The following TUT1 variants were observed in gnomAD, a reference collection of about 807,000 sequenced individuals.
TUT1 encodes the protein speckle targeted PIP5K1A-regulated poly(A) polymerase.
TUT1 carries 26 observed loss-of-function variants against 48.8 expected under a neutral mutation model. That is an observed-to-expected ratio of 0.53 (90% CI 0.39 to 0.74). TUT1 has a LOEUF of 0.74. Among genes scored for constraint, TUT1 ranks in the 30% least tolerant of loss-of-function variants. TUT1 has a pLI of 0.00. For missense variants in TUT1, 1,065 were observed against 1,114.8 expected (o/e 0.96, Z 0.64); for synonymous variants, 470 against 460.8 (o/e 1.02, Z -0.26).
chr11:62,580,564 T>C (rs947687294), intron 4 of TUT1, among the ~76,000 whole-genome samples: 1 of 151,816 alleles, frequency 6.6e-6, no homozygotes, highest in Non-Finnish European at 1.5e-5. Context: ...TTTTGAAATT[T>C]TTTTTTTGTT....
At chr11:62,589,308 C>A in intron 1 of TUT1, 87 bp from the exon 2 acceptor site, 1 of 1,277,780 alleles carries the variant, frequency 7.8e-7, no homozygotes, top group Non-Finnish European at 1.1e-6. Flanking sequence ...TCTTACTGAT[C>A]CTTCCAAGCC....
Position 62,575,907 on chromosome 11 carries a change from G to A in TUT1, c.1812C>T (p.Leu604=), listed in dbSNP as rs1399809327. The change falls in exon 9 of 9, where the codon CTC becomes CTT. Residue 604 remains leucine (L), a synonymous_variant. Transcript: ENST00000476907. ...LLQPSSPSSL[L]SATPIPLPLA... is the part of the protein sequence containing the mutation. ...GGGGTAAAGGGATCGGCGTAGCAGA[G>A]AGCAGGGAGCTGGGGGAGCTGGGCT... The A allele has an allele frequency of 1.2e-6, 2 of 1,614,168 alleles. No individual in the cohort carries two copies. Among genetic ancestry groups the A allele is most frequent in the Non-Finnish European group, 1.7e-6 (2 of 1,179,992 alleles).
At chr11:62,587,092 C>CAAA (rs202002182) in intron 2 of TUT1, among the ~76,000 whole-genome samples, 32 of 108,252 alleles carry the variant, frequency 3.0e-4, no homozygotes, top group South Asian at 1.0e-3. Context: ...AACTCCCTCT[C>CAAA]AAAAAAAAAA....
intron 8 of TUT1, 35 bp from the exon 9 acceptor site, chr11:62,576,279 A>C: frequency 6.6e-7 from 1 of 1,504,006 alleles, no homozygotes; most frequent in East Asian, 2.3e-5. Flanking sequence ...AAGGGGGGTC[A>C]CTTAGAGGCC....
intron 1 of TUT1, among the ~76,000 whole-genome samples, chr11:62,590,522 G>A (rs910576911): frequency 3.9e-5 from 6 of 151,974 alleles, no homozygotes; most frequent in Admixed American, 6.6e-5. Flanking sequence ...CTGTAGTCCC[G>A]GCTACACGGG....
intron 3 of TUT1, 39 bp downstream of exon 3, chr11:62,581,347 G>C (rs750794625): frequency 1.3e-6 from 2 of 1,572,686 alleles, no homozygotes; most frequent in South Asian, 2.4e-5. Flanking sequence ...GAGAGCAAAG[G>C]CCAGGGAGGG....
At chr11:62,583,035 G>T (rs1256335707) in intron 2 of TUT1, among the ~76,000 whole-genome samples, 1 of 151,500 alleles carries the variant, frequency 6.6e-6, no homozygotes, top group Non-Finnish European at 1.5e-5. Flanking sequence ...GGCTAAGGCA[G>T]GAGAATGGCA....
chr11:62,580,757 A>G (rs1941811623), intron 4 of TUT1, among the ~76,000 whole-genome samples: 1 of 151,298 alleles, frequency 6.6e-6, no homozygotes, highest in South Asian at 2.1e-4. Flanking sequence ...TGTACACCAC[A>G]CACCCAGCTA....
Position 62,576,017 on chromosome 11 carries a change from G to C in TUT1, c.1702C>G (p.Arg568Gly). Reference protein sequence around the residue: ...RVAGRLQNCCRAAANYCRSLQ... With the variant: ...RVAGRLQNCCGAAANYCRSLQ... ...CTTCGGCAGTAATTGGCTGCTGCTC[G>C]GCAGCAGTTCTGTAGGCGCCCAGCC... Residue 568 changes from arginine to glycine, a missense_variant, in exon 9 of 9, where the codon CGA becomes GGA. Transcript: ENST00000476907. 1 of 1,613,750 alleles carries C rather than the reference G, an allele frequency of 6.2e-7. No individual in the cohort carries two copies. The highest frequency in any genetic ancestry group is 8.5e-7 in the Non-Finnish European group (1 of 1,179,990).
At chr11:62,588,397 T>C (rs1399553565) in intron 2 of TUT1, among the ~76,000 whole-genome samples, 1 of 152,082 alleles carries the variant, frequency 6.6e-6, no homozygotes, top group Non-Finnish European at 1.5e-5. Flanking sequence ...CTACTAAAAA[T>C]ACAAAAATTA....
At chr11:62,578,018 A>G (rs111299317) in intron 5 of TUT1, among the ~76,000 whole-genome samples, 4,346 of 149,218 alleles carry the variant, frequency 0.029, 146 homozygotes, top group African/African-American at 0.081. Flanking sequence ...CTGAGATCGC[A>G]CCATTGCACT....
rs761643438 is a variant in TUT1 at position 62,578,992 on chromosome 11, C to G, written c.729G>C (p.Ser243=). 1.3e-6 allele frequency: 2 copies of G among 1,515,530 alleles called. No homozygotes were observed. The highest frequency in any genetic ancestry group is 1.8e-6 in the Non-Finnish European group (2 of 1,133,198). The allele number at this position is 1,515,530 out of a possible 1,614,324, so 93.9% of individuals were successfully genotyped here. Residue 243 remains serine, a synonymous_variant, in exon 5 of 9, where the codon TCG becomes TCC. Transcript: ENST00000476907. ...PKAPESPSLD[S]ALASPLDPQA... is the part of the protein sequence containing the mutation. ...GAGGGTCCAGTGGGGAAGCCAGGGC[C>G]GAGTCCAGCGATGGAGATTCTGGAG...
At chr11:62,583,305 A>G (rs1941861703) in intron 2 of TUT1, among the ~76,000 whole-genome samples, 2 of 152,024 alleles carry the variant, frequency 1.3e-5, no homozygotes, top group African/African-American at 4.8e-5. Flanking sequence ...TTTTAAAGGT[A>G]AAATATTAGC....
chr11:62,589,261 C>A, intron 1 of TUT1, 40 bp from the exon 2 acceptor site: 1 of 1,594,476 alleles, frequency 6.3e-7, no homozygotes, highest in Non-Finnish European at 8.6e-7. Flanking sequence ...GCAAAGCACT[C>A]TTCGACGTGT....
chr11:62,578,504 CACTGT>C, intron 5 of TUT1, 52 bp downstream of exon 5: 1 of 1,481,654 alleles, frequency 6.7e-7, no homozygotes, highest in East Asian at 2.3e-5. Context: ...AAGATGGCAC[CACTGT>C]ACTCCAGCCT....
chr11:62,582,351 C>T, intron 2 of TUT1: 1 of 198,534 alleles, frequency 5.0e-6, no homozygotes, highest in Non-Finnish European at 1.1e-5. Context: ...AGCCCGGGGG[C>T]TGAGATTGCA....
chr11:62,591,160 A>T (rs1942006141), intron 1 of TUT1, among the ~76,000 whole-genome samples: 1 of 151,154 alleles, frequency 6.6e-6, no homozygotes, highest in Non-Finnish European at 1.5e-5. Context: ...CCAATAGATG[A>T]TGGTTAAAGA....
chr11:62,586,516 C>T (rs1476241437), intron 2 of TUT1, among the ~76,000 whole-genome samples: 1 of 152,130 alleles, frequency 6.6e-6, no homozygotes, highest in Non-Finnish European at 1.5e-5. Flanking sequence ...CAGTGGCTTA[C>T]GCCTGTAATC....
chr11:62,581,688 A>G lies in TUT1; in HGVS notation c.287T>C (p.Ile96Thr). 1 of 1,463,502 alleles carries G rather than the reference A, an allele frequency of 6.8e-7. No individual in the cohort carries two copies. The highest frequency in any genetic ancestry group is 9.0e-7 in the Non-Finnish European group (1 of 1,105,624). 90.7% of individuals were successfully genotyped at this position (1,463,502 alleles called of 1,614,324 possible). A position where few individuals can be genotyped will look rare whatever the true frequency, so the allele number is the denominator to read the frequency against. Residue 96 changes from isoleucine to threonine, a missense_variant, in exon 3 of 9, where the codon ATT (isoleucine) becomes ACT (threonine). Physicochemically the swap from Ile to Thr is moderately conservative, Grantham distance 89. Transcript: ENST00000476907. ...VMDKDKGVFAIVEMGDVGARE... is the reference protein window; with the variant it reads ...VMDKDKGVFATVEMGDVGARE... ...AGCACCCACGTCCCCCATCTCCACA[A>G]TGGCAAACACTCCCTGGTAAACAAC...
Sources: allele counts gnomAD v4.1 joint callset (sites outside exome capture counted in the v4.1 genomes callset), GRCh38; gene constraint gnomAD v4.1.1; transcripts MANE v1.5; gene names NCBI Gene and HGNC (gene_info 2026-07-23, HGNC 2026-07-21).